ZNF532: variants seen among roughly 807,000 people sequenced by gnomAD.
ZNF532 encodes the protein zinc finger protein 532.
In ZNF532, 22 loss-of-function variants were observed where a neutral mutation model predicts 89.3. The ratio of observed to expected loss-of-function variants is 0.25; its 90% CI spans 0.18 to 0.35. The LOEUF (loss-of-function observed/expected upper bound fraction) is 0.35. Ranked by LOEUF, ZNF532 falls within the 10% of genes least tolerant of loss-of-function variation. The probability of loss-of-function intolerance (pLI) is 1.00; values close to 1 mark genes in which losing one functional copy is unlikely to be tolerated. For missense variants in ZNF532, 1,132 were observed against 1,643.4 expected, an observed-to-expected ratio of 0.69 and a Z score of 5.38; for synonymous variants, 606 against 649.6, an observed-to-expected ratio of 0.93 and a Z score of 1.02.
At position 58,918,985 on chromosome 18, in the gene ZNF532, A is replaced by C; in HGVS notation, c.698A>C (p.Lys233Thr). 6.2e-7 allele frequency: 1 copy of C among 1,613,528 alleles called. No individual in the cohort carries two copies. Among genetic ancestry groups the C allele is most frequent in the African/African-American group, 1.3e-5 (1 of 75,060 alleles). Residue 233 changes from lysine to threonine, a missense_variant, in exon 3 of 10, where the codon AAG becomes ACG. This residue lies in a region of ZNF532 where 302 missense variants were observed against 319.8 expected (regional missense o/e 0.94). Transcript: ENST00000591808. ...GATAAATTGAAGGAAAGCTCTGACA[A>C]GGTGCTGGAAAACAGAGTCCTAGAT... ...AEDKLKESSD[K>T]VLENRVLDGK...
At chr18:58,888,841 TTATATA>T in intron 2 of ZNF532, among the ~76,000 whole-genome samples, 1 of 38,838 alleles carries the variant, frequency 2.6e-5, no homozygotes, top group Admixed American at 4.5e-4. Flanking sequence ...TATATATAAT[TTATATA>T]TATATAATTT....
chr18:58,981,166 G>C (rs752334154), intron 8 of ZNF532: 12 of 317,862 alleles, frequency 3.8e-5, no homozygotes, highest in Non-Finnish European at 5.8e-5. Flanking sequence ...CAGCACAAAG[G>C]AGTCAAGGAG....
chr18:58,930,508 G>T (rs1316924923), intron 3 of ZNF532, among the ~76,000 whole-genome samples: 1 of 151,824 alleles, frequency 6.6e-6, no homozygotes, highest in Non-Finnish European at 1.5e-5. Flanking sequence ...CGTGCCTGCA[G>T]TCCCAGCTAC....
intron 2 of ZNF532, among the ~76,000 whole-genome samples, chr18:58,894,349 C>T (rs776885733): frequency 1.3e-5 from 2 of 151,818 alleles, no homozygotes; most frequent in Non-Finnish European, 2.9e-5. Context: ...CACCTGCAAT[C>T]CCAGCTACTC....
At chr18:58,906,652 C>T (rs900714011) in intron 2 of ZNF532, among the ~76,000 whole-genome samples, 7 of 152,194 alleles carry the variant, frequency 4.6e-5, no homozygotes, top group African/African-American at 1.4e-4. Context: ...CACCTTCTCC[C>T]ATGACCTCAC....
chr18:58,914,647 T>G (rs1029514896), intron 2 of ZNF532, among the ~76,000 whole-genome samples: 4 of 152,192 alleles, frequency 2.6e-5, no homozygotes, highest in African/African-American at 7.2e-5. Context: ...ACTGCTGTAC[T>G]CCAGCCTGGG....
intron 7 of ZNF532, among the ~76,000 whole-genome samples, chr18:58,963,821 C>CAA (rs58734985): frequency 0.21 from 17,121 of 82,340 alleles, 1,387 homozygotes; most frequent in African/African-American, 0.24. Flanking sequence ...GACCCTGTCT[C>CAA]AAAAAAAAAA....
intron 7 of ZNF532, among the ~76,000 whole-genome samples, chr18:58,958,342 G>A (rs566716768): frequency 8.3e-4 from 126 of 152,320 alleles, no homozygotes; most frequent in Non-Finnish European, 1.6e-3. Context: ...AAGAAAAACA[G>A]TTAAAGCAGC....
At chr18:58,904,537 G>A (rs2059804278) in intron 2 of ZNF532, among the ~76,000 whole-genome samples, 1 of 152,048 alleles carries the variant, frequency 6.6e-6, no homozygotes, top group African/African-American at 2.4e-5. Flanking sequence ...AGGAAAGGCT[G>A]GCATTGTTAG....
chr18:58,969,413 C>T (rs964464037), intron 7 of ZNF532, among the ~76,000 whole-genome samples: 5 of 152,202 alleles, frequency 3.3e-5, no homozygotes, highest in African/African-American at 1.2e-4. Flanking sequence ...ATTGCAACAC[C>T]ACAATCAACA....
At chr18:58,881,755 C>T (rs1037378338) in intron 2 of ZNF532, among the ~76,000 whole-genome samples, 1 of 152,190 alleles carries the variant, frequency 6.6e-6, no homozygotes, top group Non-Finnish European at 1.5e-5. Flanking sequence ...AGTATTTCTC[C>T]TATTGTCAAG....
chr18:58,974,888 G>C (rs1391882393), intron 7 of ZNF532, among the ~76,000 whole-genome samples: 1 of 152,184 alleles, frequency 6.6e-6, no homozygotes, highest in Non-Finnish European at 1.5e-5. Context: ...ATTTGACGTA[G>C]TTAAAACTAA....
chr18:58,949,374 ATC>A (rs2063946893), intron 6 of ZNF532, among the ~76,000 whole-genome samples: 1 of 152,178 alleles, frequency 6.6e-6, no homozygotes, highest in East Asian at 1.9e-4. Context: ...CAGGAACTCA[ATC>A]TCTTTCTTTT....
intron 7 of ZNF532, chr18:58,964,194 C>G (rs1225177649): frequency 6.6e-6 from 1 of 152,134 alleles, no homozygotes; most frequent in Non-Finnish European, 1.5e-5. Context: ...TTTTAAAACT[C>G]ATCTTTTAGC....
At chr18:58,966,587 T>C (rs117052000) in intron 7 of ZNF532, among the ~76,000 whole-genome samples, 5,261 of 152,226 alleles carry the variant, frequency 0.035, 141 homozygotes, top group Non-Finnish European at 0.054. Flanking sequence ...CCAGATTCCA[T>C]TTCTAAAATT....
At chr18:58,888,903 A>ATAT (rs1346299198) in intron 2 of ZNF532, among the ~76,000 whole-genome samples, 1 of 80,462 alleles carries the variant, frequency 1.2e-5, no homozygotes, top group Non-Finnish European at 2.3e-5. Context: ...ATATATATAT[A>ATAT]TATATATATA....
Position 58,892,668 on chromosome 18 carries a change from A to G in ZNF532, c.-17-25603A>G, listed in dbSNP as rs910970928. ...CGTCTAAATAAAGCGCTTCACAACG[A>G]TGCTACTTTGGCATTCAAGTTTGAG... On this transcript the variant is annotated intron_variant, in intron 2 of 9. Transcript: ENST00000591808. 2.6e-5 allele frequency among the ~76,000 whole-genome samples: 4 copies of G among 152,362 alleles called. No individual in the cohort carries two copies. The South Asian group carries it at 8.3e-4, about 32-fold the overall frequency.
intron 2 of ZNF532, among the ~76,000 whole-genome samples, chr18:58,892,667 G>A (rs1160649302): frequency 6.6e-6 from 1 of 152,226 alleles, no homozygotes; most frequent in Non-Finnish European, 1.5e-5. Flanking sequence ...GCTTCACAAC[G>A]ATGCTACTTT....
chr18:58,965,622 A>G (rs532279427), intron 7 of ZNF532, among the ~76,000 whole-genome samples: 1 of 152,324 alleles, frequency 6.6e-6, no homozygotes, highest in Admixed American at 6.5e-5. Flanking sequence ...TGGTTATGCC[A>G]TCATTAACTG....
Sources: allele counts gnomAD v4.1 joint callset (sites outside exome capture counted in the v4.1 genomes callset), GRCh38; gene constraint gnomAD v4.1.1; regional missense constraint gnomAD v4.1.1; transcripts MANE v1.5; gene names NCBI Gene and HGNC (gene_info 2026-07-23, HGNC 2026-07-21).